Variants in TRPM3 observed in about 807,000 individuals in gnomAD.
TRPM3 encodes long transient receptor potential channel 3.
Under a neutral mutation model 181.2 loss-of-function variants are expected in TRPM3, and 77 were observed. The observed-to-expected ratio is 0.42, with a 90% confidence interval of 0.35 to 0.51. The LOEUF is 0.51. Among genes scored for constraint, TRPM3 ranks in the 20% least tolerant of loss-of-function variants. The pLI is 0.01. For synonymous variants in TRPM3, 745 were observed against 796.4 expected, an observed-to-expected ratio of 0.94 and a Z score of 1.09; for missense variants, 1,759 against 2,196.7, an observed-to-expected ratio of 0.80 and a Z score of 3.98.
intron 1 of TRPM3, among the ~76,000 whole-genome samples, chr9:71,049,982 T>A (rs1489312657): frequency 6.6e-6 from 1 of 152,158 alleles, no homozygotes; most frequent in African/African-American, 2.4e-5. Context: ...AGAGGGTAAG[T>A]CCTATGTTCA....
chr9:71,282,081 GAAA>G (rs2084767406), intron 1 of TRPM3, among the ~76,000 whole-genome samples: 1 of 48,306 alleles, frequency 2.1e-5, no homozygotes, highest in African/African-American at 1.2e-4. Context: ...GGAAAGAAAG[GAAA>G]GAAAGAGAGA....
chr9:70,591,504 T>C (rs1035019897), intron 21 of TRPM3, among the ~76,000 whole-genome samples: 2 of 152,204 alleles, frequency 1.3e-5, no homozygotes, highest in African/African-American at 4.8e-5. Context: ...AGGCTAGGCA[T>C]AGGAGTCATA....
At chr9:71,306,322 A>G (rs970726023) in intron 1 of TRPM3, among the ~76,000 whole-genome samples, 61 of 152,190 alleles carry the variant, frequency 4.0e-4, no homozygotes, top group Non-Finnish European at 3.4e-4. Flanking sequence ...ACTGTCATAC[A>G]AAGTTTCCAT....
At chr9:70,779,985 C>T (rs568659699) in intron 7 of TRPM3, among the ~76,000 whole-genome samples, 1 of 152,286 alleles carries the variant, frequency 6.6e-6, no homozygotes, top group Admixed American at 6.5e-5. Context: ...GCAATTATCT[C>T]TTAGTTTATC....
chr9:70,590,227 G>A (rs780760619), intron 22 of TRPM3, among the ~76,000 whole-genome samples: 11 of 152,094 alleles, frequency 7.2e-5, no homozygotes, highest in Non-Finnish European at 8.8e-5. Context: ...TGCCTGGTGT[G>A]TCCTGACATT....
At position 70,605,966 on chromosome 9, in the gene TRPM3, A is replaced by AGGAGT. The variant is rs2061012415; in HGVS notation, c.2668-2497_2668-2496insACTCC. 2.0e-5 allele frequency among the ~76,000 whole-genome samples: 3 copies of AGGAGT among 152,194 alleles called. No homozygotes were observed. In the East Asian group the frequency reaches 5.8e-4, roughly 29 times the overall value. On this transcript the variant is annotated intron_variant, in intron 19 of 25. Transcript: ENST00000677713. ...TAAGTAACTCCTTAAACCTATTTTA[A>AGGAGT]TGCTTAAGTAACTCCTTGAACCTAC...
chr9:71,252,757 G>A (rs1463299906), intron 1 of TRPM3, among the ~76,000 whole-genome samples: 3 of 151,508 alleles, frequency 2.0e-5, no homozygotes, highest in Non-Finnish European at 4.4e-5. Flanking sequence ...TTGCGGCCTC[G>A]GCCTCCTTGG....
At chr9:71,177,789 T>G (rs1032922726) in intron 1 of TRPM3, among the ~76,000 whole-genome samples, 1 of 152,104 alleles carries the variant, frequency 6.6e-6, no homozygotes. Context: ...CACTAAGGCT[T>G]GGTTTTTAGT....
At chr9:71,099,533 A>G (rs1276204920) in intron 1 of TRPM3, among the ~76,000 whole-genome samples, 1 of 152,146 alleles carries the variant, frequency 6.6e-6, no homozygotes, top group East Asian at 1.9e-4. Flanking sequence ...GTTATATGCC[A>G]GCTCACCCCT....
Position 70,553,172 on chromosome 9 carries a change from A to C in TRPM3, c.3362T>G (p.Ile1121Ser), listed in dbSNP as rs764180367. ...AGGACCCACTTACTTAAAGACAGCA[A>C]TGAGGAGGTTGACCAGCAAGATGTT... is the stretch of plus-strand genomic sequence containing the variant. ...VANILLVNLLIAVFNNTFFEV... is the reference protein window; with the variant it reads ...VANILLVNLLSAVFNNTFFEV... Residue 1121 changes from isoleucine (I) to serine (S), a missense_variant, in exon 23 of 26, where the codon ATT (isoleucine) becomes AGT (serine). Physicochemically the swap from Ile to Ser is moderately radical, Grantham distance 142. This residue lies in a region of TRPM3 where 94 missense variants were observed against 221.3 expected (regional missense o/e 0.42). Coordinates refer to ENST00000677713, the MANE Select transcript of TRPM3 (RefSeq NM_001366145.2). The C allele has an allele frequency of 6.2e-7, 1 of 1,614,182 alleles. No homozygotes were observed. Among genetic ancestry groups the C allele is most frequent in the South Asian group, 1.1e-5 (1 of 91,084 alleles).
intron 1 of TRPM3, among the ~76,000 whole-genome samples, chr9:70,939,956 G>A (rs1287289860): frequency 6.6e-6 from 1 of 152,162 alleles, no homozygotes; most frequent in East Asian, 1.9e-4. Flanking sequence ...CCTAGCTAAA[G>A]GTAAGAAGCT....
At chr9:71,036,962 C>T (rs1193277260) in intron 1 of TRPM3, among the ~76,000 whole-genome samples, 5 of 152,082 alleles carry the variant, frequency 3.3e-5, no homozygotes, top group Admixed American at 2.0e-4. Flanking sequence ...ATTTTTCAAG[C>T]ATCTATGATG....
chr9:71,101,884 AAAC>A (rs2134064321), intron 1 of TRPM3, among the ~76,000 whole-genome samples: 2 of 152,302 alleles, frequency 1.3e-5, no homozygotes, highest in Admixed American at 1.3e-4. Context: ...TATTGATAAC[AAAC>A]TGGTAAAGGC....
intron 2 of TRPM3, 105 bp downstream of exon 2, chr9:70,864,327 T>C: frequency 1.4e-6 from 1 of 713,182 alleles, no homozygotes; most frequent in Non-Finnish European, 2.2e-6. Flanking sequence ...ATATAAAAGA[T>C]ATTTAATTTG....
chr9:70,666,128 C>T (rs909142234), intron 9 of TRPM3, among the ~76,000 whole-genome samples: 1 of 152,218 alleles, frequency 6.6e-6, no homozygotes, highest in East Asian at 1.9e-4. Flanking sequence ...TGTGACATCT[C>T]CTCTCATGCA....
intron 1 of TRPM3, among the ~76,000 whole-genome samples, chr9:71,101,201 T>C (rs974008849): frequency 6.6e-6 from 1 of 152,144 alleles, no homozygotes; most frequent in Non-Finnish European, 1.5e-5. Flanking sequence ...AGGATTGATA[T>C]TGTGGAATAA....
chr9:70,763,746 T>G (rs1045801554), intron 7 of TRPM3, among the ~76,000 whole-genome samples: 1 of 152,170 alleles, frequency 6.6e-6, no homozygotes, highest in African/African-American at 2.4e-5. Flanking sequence ...TTCAATGAGC[T>G]TATGCACCAG....
intron 5 of TRPM3, among the ~76,000 whole-genome samples, chr9:70,831,116 A>G (rs906495458): frequency 6.6e-6 from 1 of 152,208 alleles, no homozygotes; most frequent in Non-Finnish European, 1.5e-5. Context: ...CTGAAAAGTT[A>G]GAAATAACTT....
At chr9:70,806,300 A>G (rs2090662179) in intron 6 of TRPM3, among the ~76,000 whole-genome samples, 1 of 132,164 alleles carries the variant, frequency 7.6e-6, no homozygotes, top group Non-Finnish European at 1.6e-5. Context: ...AAAAAAATCA[A>G]CTGTTCCTTA....
Sources: allele counts gnomAD v4.1 joint callset (sites outside exome capture counted in the v4.1 genomes callset), GRCh38; gene constraint gnomAD v4.1.1; regional missense constraint gnomAD v4.1.1; transcripts MANE v1.5; gene names NCBI Gene and HGNC (gene_info 2026-07-23, HGNC 2026-07-21).